Variants in ALKBH1 observed in about 807,000 individuals in gnomAD.
ALKBH1 encodes the protein alkB homolog 1, histone H2A dioxygenase.
Under a neutral mutation model 36.6 loss-of-function variants are expected in ALKBH1, and 31 were observed. The ratio of observed to expected loss-of-function variants is 0.85; its 90% CI spans 0.64 to 1.14. ALKBH1 has a LOEUF of 1.14. ALKBH1 is among the 50% of genes most tolerant of loss of function. The probability of loss-of-function intolerance (pLI) is 0.00; values close to 1 mark genes in which losing one functional copy is unlikely to be tolerated. For synonymous variants in ALKBH1, 183 were observed against 186.6 expected (o/e 0.98, Z 0.16); for missense variants, 490 against 497.3 (o/e 0.99, Z 0.14).
intron 3 of ALKBH1, among the ~76,000 whole-genome samples, chr14:77,686,232 G>T (rs2080267594): frequency 6.6e-6 from 1 of 152,148 alleles, no homozygotes; most frequent in African/African-American, 2.4e-5. Flanking sequence ...CATTTAACAT[G>T]CTTCCGGATC....
chr14:77,681,518 T>G (rs1399888255), intron 3 of ALKBH1, among the ~76,000 whole-genome samples: 1 of 152,098 alleles, frequency 6.6e-6, no homozygotes, highest in Non-Finnish European at 1.5e-5. Context: ...CCTCACAGAG[T>G]TTACATTCTA....
At chr14:77,696,138 G>A (rs534543752) in intron 2 of ALKBH1, among the ~76,000 whole-genome samples, 14 of 152,122 alleles carry the variant, frequency 9.2e-5, no homozygotes, top group Middle Eastern at 3.2e-3. Context: ...CCTACGCATG[G>A]TAAAGATTCA....
intron 3 of ALKBH1, among the ~76,000 whole-genome samples, chr14:77,687,835 A>C (rs1417292550): frequency 1.3e-5 from 2 of 152,176 alleles, no homozygotes; most frequent in African/African-American, 4.8e-5. Context: ...TGAGAAAGAA[A>C]AGTGAAAAGA....
At position 77,686,840 on chromosome 14, in the gene ALKBH1, T is replaced by C. The variant is rs150621188; in HGVS notation, c.456-6870A>G. Among the ~76,000 whole-genome samples, 356 of 152,286 alleles carry C rather than the reference T, an allele frequency of 2.3e-3. 3 individuals are homozygous for C. Among genetic ancestry groups the C allele is most frequent in the African/African-American group, 8.4e-3 (350 of 41,552 alleles). ...GGTTTCACCACATTGGCCAGGATGGTCTCGATTTCTTGACCTTGTGATCCA... is the reference window on the plus strand; with the variant it reads ...GGTTTCACCACATTGGCCAGGATGGCCTCGATTTCTTGACCTTGTGATCCA... On this transcript the variant is annotated intron_variant, in intron 3 of 5. Coordinates refer to ENST00000216489, the MANE Select transcript of ALKBH1 (RefSeq NM_006020.3).
intron 4 of ALKBH1, among the ~76,000 whole-genome samples, chr14:77,676,789 T>C (rs1257690450): frequency 6.6e-6 from 1 of 152,192 alleles, no homozygotes; most frequent in African/African-American, 2.4e-5. Flanking sequence ...AAAAGGCAAC[T>C]CAAATACTAT....
chr14:77,704,108 C>T (rs1595060427), intron 2 of ALKBH1, among the ~76,000 whole-genome samples: 1 of 152,248 alleles, frequency 6.6e-6, no homozygotes. Flanking sequence ...TGGCAGGGAG[C>T]CCAGAGGCAA....
rs866021481 is a variant in ALKBH1, at chr14:77,672,760, G to C, written c.*1052C>G. On this transcript the variant is annotated 3_prime_UTR_variant, in exon 6 of 6. Coordinates refer to ENST00000216489, the MANE Select transcript of ALKBH1 (RefSeq NM_006020.3). ...GTCCAGAGAAATGTAAAGTAACCTG[G>C]ACCATGATATAGTCAGTCAAATTGT... The C allele has an allele frequency of 2.2e-4, 34 of 152,164 alleles. No individual in the cohort carries two copies. Among genetic ancestry groups the C allele is most frequent in the African/African-American group, 8.2e-4 (34 of 41,424 alleles). 9.4% of individuals were successfully genotyped at this position (152,164 alleles called of 1,614,324 possible). A position where few individuals can be genotyped will look rare whatever the true frequency, so the allele number is the denominator to read the frequency against.
intron 2 of ALKBH1, among the ~76,000 whole-genome samples, chr14:77,697,775 G>A (rs1374795832): frequency 6.6e-6 from 1 of 151,380 alleles, no homozygotes; most frequent in Non-Finnish European, 1.5e-5. Context: ...GCACTTGAAA[G>A]GCCAAGGCAG....
intron 2 of ALKBH1, among the ~76,000 whole-genome samples, chr14:77,703,593 CTTTTTTTTT>C (rs200488919): frequency 3.5e-5 from 4 of 112,896 alleles, no homozygotes; most frequent in Non-Finnish European, 5.2e-5. Context: ...CTGCGTCCAG[CTTTTTTTTT>C]TTTTTTTTTT....
chr14:77,683,171 T>TTTA, intron 3 of ALKBH1: 3 of 435,566 alleles, frequency 6.9e-6, no homozygotes, highest in Admixed American at 3.9e-5. Flanking sequence ...TTTTTTTTTT[T>TTTA]ACAAACAGTC....
intron 4 of ALKBH1, among the ~76,000 whole-genome samples, chr14:77,678,532 T>C (rs1375174143): frequency 7.8e-6 from 1 of 128,750 alleles, no homozygotes; most frequent in Non-Finnish European, 1.6e-5. Flanking sequence ...TAGGTGACAG[T>C]GTAAGACCAT....
At chr14:77,704,981 G>C (rs915764180) in intron 1 of ALKBH1, among the ~76,000 whole-genome samples, 8 of 152,160 alleles carry the variant, frequency 5.3e-5, no homozygotes, top group Non-Finnish European at 4.4e-5. Flanking sequence ...AATCATGAAA[G>C]GTGCTTGGTG....
intron 2 of ALKBH1, among the ~76,000 whole-genome samples, chr14:77,703,028 T>C (rs1301012474): frequency 6.6e-6 from 1 of 152,038 alleles, no homozygotes; most frequent in African/African-American, 2.4e-5. Context: ...GGCATATACC[T>C]GTAGTCTCAG....
At chr14:77,681,436 T>C (rs7160307) in intron 3 of ALKBH1, among the ~76,000 whole-genome samples, 18,957 of 152,166 alleles carry the variant, frequency 0.12, 1,516 homozygotes, top group African/African-American at 0.22. Context: ...AAAGGATTTA[T>C]TGAGACCCAC....
chr14:77,701,786 A>G (rs75779182), intron 2 of ALKBH1, among the ~76,000 whole-genome samples: 1 of 152,200 alleles, frequency 6.6e-6, no homozygotes, highest in Non-Finnish European at 1.5e-5. Context: ...TAAAATAAAC[A>G]CAGCTTATAA....
At chr14:77,678,845 C>T (rs758555225) in intron 4 of ALKBH1, among the ~76,000 whole-genome samples, 5 of 151,914 alleles carry the variant, frequency 3.3e-5, no homozygotes, top group Non-Finnish European at 7.4e-5. Flanking sequence ...GAGACAAGAT[C>T]TTGTTCTATC....
At chr14:77,676,707 A>C (rs1277721803) in intron 4 of ALKBH1, among the ~76,000 whole-genome samples, 2 of 152,220 alleles carry the variant, frequency 1.3e-5, no homozygotes, top group Non-Finnish European at 1.5e-5. Flanking sequence ...GGAGAGCACG[A>C]GCTCTCTCTG....
intron 1 of ALKBH1, among the ~76,000 whole-genome samples, chr14:77,705,041 A>C (rs183838624): frequency 2.6e-5 from 4 of 152,346 alleles, no homozygotes; most frequent in Admixed American, 2.6e-4. Flanking sequence ...TAGGGCTAAC[A>C]GTAATGCTTT....
At chr14:77,674,506 T>C (rs528961255) in intron 5 of ALKBH1, among the ~76,000 whole-genome samples, 1 of 152,132 alleles carries the variant, frequency 6.6e-6, no homozygotes. Flanking sequence ...AATAAGCAAA[T>C]GGAGAACTTA....
Sources: gnomAD v4.1 joint callset for allele counts (sites outside exome capture counted in the v4.1 genomes callset) on GRCh38, gnomAD v4.1.1 for gene constraint, MANE v1.5 for transcripts, NCBI Gene and HGNC (gene_info 2026-07-23, HGNC 2026-07-21) for gene names.